TUBGCP3: variants seen among roughly 807,000 people sequenced by gnomAD.
The protein encoded by TUBGCP3 is tubulin gamma complex component 3, also known as gamma-tubulin complex component 3.
TUBGCP3 carries 50 observed loss-of-function variants against 123.1 expected under a neutral mutation model. The ratio of observed to expected loss-of-function variants is 0.41; its 90% CI spans 0.32 to 0.51. TUBGCP3 has a LOEUF of 0.51. Ranked by LOEUF, TUBGCP3 falls within the 20% of genes least tolerant of loss-of-function variation. The pLI is 0.36. For missense variants in TUBGCP3, 882 were observed against 1,127.0 expected, an observed-to-expected ratio of 0.78 and a Z score of 3.11; for synonymous variants, 405 against 413.9, an observed-to-expected ratio of 0.98 and a Z score of 0.26.
intron 11 of TUBGCP3, among the ~76,000 whole-genome samples, chr13:112,530,842 A>C (rs942593028): frequency 2.0e-5 from 3 of 152,214 alleles, no homozygotes; most frequent in Admixed American, 1.3e-4. Flanking sequence ...ATATTAACAG[A>C]ATGTGTCTGG....
chr13:112,567,969 A>C (rs1424599282), intron 2 of TUBGCP3, among the ~76,000 whole-genome samples: 2 of 147,226 alleles, frequency 1.4e-5, no homozygotes, highest in Admixed American at 6.7e-5. Context: ...AGGTGTTATC[A>C]CTAAGACCTA....
At chr13:112,541,091 C>T (rs1252047385) in intron 11 of TUBGCP3, among the ~76,000 whole-genome samples, 2 of 152,264 alleles carry the variant, frequency 1.3e-5, no homozygotes, top group Non-Finnish European at 2.9e-5. Context: ...AGAAGAAAAT[C>T]GATTTATCAG....
In TUBGCP3 at chr13:112,584,421, T is replaced by C. The variant is rs548186833; in HGVS notation, c.76+3484A>G. Among the ~76,000 whole-genome samples, 17 of 152,364 alleles carry C rather than the reference T, an allele frequency of 1.1e-4. 1 individual carries two copies. The South Asian group carries it at 3.3e-3, about 30-fold the overall frequency. ...AATACACATCTAATGTATATCTTAA[T>C]ATACATGTAATACACATTGATCTTC... On this transcript the variant is annotated intron_variant, in intron 1 of 21. Transcript: ENST00000261965.
In TUBGCP3 at chr13:112,566,728, G is replaced by A. The variant is rs567658839; in HGVS notation, c.185-1550C>T. Among the ~76,000 whole-genome samples the A allele has an allele frequency of 1.9e-4, 29 of 152,288 alleles. 1 individual carries two copies. Among genetic ancestry groups the A allele is most frequent in the Admixed American group, 1.7e-3 (26 of 15,298 alleles). ...AATTCATACATGCACTACAGTCACA[G>A]CACAATAAAATAAGAATAAAAATGA... On this transcript the variant is annotated intron_variant, in intron 2 of 21. Transcript: ENST00000261965.
intron 1 of TUBGCP3, among the ~76,000 whole-genome samples, chr13:112,569,822 G>C (rs1232461600): frequency 6.6e-6 from 1 of 152,146 alleles, no homozygotes; most frequent in Non-Finnish European, 1.5e-5. Context: ...AGGAATCAGA[G>C]AGAAGTCAAA....
At chr13:112,522,769 C>T (rs1376775593) in intron 13 of TUBGCP3, among the ~76,000 whole-genome samples, 1 of 152,186 alleles carries the variant, frequency 6.6e-6, no homozygotes, top group Non-Finnish European at 1.5e-5. Context: ...TCCCTTAATA[C>T]ACTGTAACTA....
intron 8 of TUBGCP3, among the ~76,000 whole-genome samples, 187 bp from the exon 9 acceptor site, chr13:112,548,363 G>A (rs1879243456): frequency 6.6e-6 from 1 of 152,134 alleles, no homozygotes; most frequent in African/African-American, 2.4e-5. Flanking sequence ...TATGAAAAAA[G>A]TGTTGTTCCT....
At chr13:112,548,231 A>T in intron 8 of TUBGCP3, 55 bp from the exon 9 acceptor site, 1 of 1,406,698 alleles carries the variant, frequency 7.1e-7, no homozygotes. Context: ...ACATTGACTG[A>T]TTTTAAGTGG....
chr13:112,547,403 C>G (rs1044571371), intron 10 of TUBGCP3: 1 of 718,548 alleles, frequency 1.4e-6, no homozygotes, highest in Non-Finnish European at 2.0e-6. Flanking sequence ...CGATTCCTAT[C>G]GAATCAACAC....
At chr13:112,503,238 A>G (rs1881051939) in intron 19 of TUBGCP3, among the ~76,000 whole-genome samples, 1 of 152,194 alleles carries the variant, frequency 6.6e-6, no homozygotes, top group Admixed American at 6.5e-5. Context: ...CTTGTCCCAG[A>G]CCTCAGAATA....
chr13:112,563,686 A>T (rs1880703933), intron 3 of TUBGCP3, among the ~76,000 whole-genome samples: 1 of 138,468 alleles, frequency 7.2e-6, no homozygotes, highest in Admixed American at 7.4e-5. Context: ...ACACCGTGAA[A>T]CCCCATCTCT....
At chr13:112,500,147 T>A (rs993734215) in intron 19 of TUBGCP3, among the ~76,000 whole-genome samples, 1 of 152,014 alleles carries the variant, frequency 6.6e-6, no homozygotes, top group Non-Finnish European at 1.5e-5. Flanking sequence ...CCATCTTAGG[T>A]TTGAAAAAAC....
At chr13:112,522,623 T>A in intron 13 of TUBGCP3, 114 bp from the exon 14 acceptor site, 1 of 991,824 alleles carries the variant, frequency 1.0e-6, no homozygotes, top group Non-Finnish European at 1.5e-6. Context: ...GTGGCATCAG[T>A]AACAGACTGA....
intron 16 of TUBGCP3, among the ~76,000 whole-genome samples, chr13:112,517,218 ATG>A (rs1232215535): frequency 3.3e-5 from 5 of 152,182 alleles, no homozygotes; most frequent in Admixed American, 2.0e-4. Context: ...TGTTTTTGCC[ATG>A]TTAGCCAGGC....
At chr13:112,593,294 T>G in the TUBGCP3 span, among the ~76,000 whole-genome samples, 1 of 152,176 alleles carries the variant, frequency 6.6e-6, no homozygotes, top group Admixed American at 6.5e-5. Context: ...TGTACGCACC[T>G]GTAATCCCAG....
chr13:112,577,782 C>T (rs1003541689), intron 1 of TUBGCP3, among the ~76,000 whole-genome samples: 2 of 152,146 alleles, frequency 1.3e-5, no homozygotes, highest in African/African-American at 4.8e-5. Context: ...AATGCCAAGA[C>T]TCACTTTTCA....
At chr13:112,495,764 A>T (rs1880490361) in intron 20 of TUBGCP3, among the ~76,000 whole-genome samples, 1 of 152,224 alleles carries the variant, frequency 6.6e-6, no homozygotes, top group Non-Finnish European at 1.5e-5. Context: ...AGATAACTAT[A>T]TTCAATTCTG....
At chr13:112,488,387 C>G (rs1879818518) in intron 21 of TUBGCP3, among the ~76,000 whole-genome samples, 1 of 152,178 alleles carries the variant, frequency 6.6e-6, no homozygotes, top group Admixed American at 6.5e-5. Flanking sequence ...GAAACTGGAC[C>G]CATACATGGA....
intron 18 of TUBGCP3, among the ~76,000 whole-genome samples, chr13:112,504,373 A>G (rs1237246994): frequency 1.3e-5 from 2 of 151,940 alleles, no homozygotes; most frequent in Non-Finnish European, 2.9e-5. Context: ...CTGTAATCCC[A>G]GCTACTCAGG....
Sources: gnomAD v4.1 joint callset for allele counts (sites outside exome capture counted in the v4.1 genomes callset) on GRCh38, gnomAD v4.1.1 for gene constraint, MANE v1.5 for transcripts, NCBI Gene and HGNC (gene_info 2026-07-23, HGNC 2026-07-21) for gene names.